The following WWOX variants were observed in gnomAD, a reference collection of about 807,000 sequenced individuals.
The protein encoded by WWOX is WW domain-containing oxidoreductase.
In WWOX, 69 loss-of-function variants were observed where a neutral mutation model predicts 46.2. The observed-to-expected ratio is 1.49, with a 90% CI of 1.23 to 1.82. The LOEUF is 1.82. Among genes scored for constraint, WWOX ranks in the 40% most tolerant of loss-of-function variants. The pLI is 0.00. For missense variants in WWOX, 919 were observed against 542.6 expected (o/e 1.69, Z -6.89); for synonymous variants, 359 against 202.6 (o/e 1.77, Z -6.56).
intron 8 of WWOX, among the ~76,000 whole-genome samples, chr16:78,926,814 T>TGA (rs1371597471): frequency 6.6e-6 from 1 of 152,140 alleles, no homozygotes; most frequent in Non-Finnish European, 1.5e-5. Flanking sequence ...TTTCGTTTTT[T>TGA]GAGAAGGGGT....
At chr16:78,798,327 AAAAT>A (rs1164264165) in intron 8 of WWOX, among the ~76,000 whole-genome samples, 1 of 152,184 alleles carries the variant, frequency 6.6e-6, no homozygotes, top group Admixed American at 6.5e-5. Flanking sequence ...AAAAAAGAAA[AAAAT>A]CTTGCCTTTC....
At chr16:78,473,289 C>T (rs1452149057) in intron 8 of WWOX, among the ~76,000 whole-genome samples, 1 of 152,140 alleles carries the variant, frequency 6.6e-6, no homozygotes, top group African/African-American at 2.4e-5. Context: ...GGCACCACGC[C>T]TGGGTAATTT....
chr16:79,056,171 C>T (rs373471211), intron 8 of WWOX, among the ~76,000 whole-genome samples: 9 of 151,316 alleles, frequency 5.9e-5, no homozygotes, highest in East Asian at 5.8e-4. Context: ...ACTAAAGTTT[C>T]CCTTCTTTGG....
At chr16:78,234,730 A>C (rs1239351686) in intron 5 of WWOX, among the ~76,000 whole-genome samples, 1 of 152,114 alleles carries the variant, frequency 6.6e-6, no homozygotes, top group Non-Finnish European at 1.5e-5. Flanking sequence ...CTTTTGGAAA[A>C]AGAACCACAA....
intron 8 of WWOX, among the ~76,000 whole-genome samples, chr16:78,471,312 G>A (rs1396791006): frequency 6.6e-6 from 1 of 152,184 alleles, no homozygotes; most frequent in African/African-American, 2.4e-5. Flanking sequence ...GAGGGATTCT[G>A]GGTAGCCCTC....
intron 8 of WWOX, among the ~76,000 whole-genome samples, chr16:79,079,129 T>C (rs2048713901): frequency 6.6e-6 from 1 of 152,224 alleles, no homozygotes; most frequent in South Asian, 2.1e-4. Context: ...CTGTACCTAG[T>C]TGCAATGCTC....
At chr16:78,222,488 A>T (rs1301148119) in intron 5 of WWOX, among the ~76,000 whole-genome samples, 4 of 152,206 alleles carry the variant, frequency 2.6e-5, no homozygotes, top group Non-Finnish European at 5.9e-5. Flanking sequence ...GCAACAGTCA[A>T]CTTTTTCCTG....
At chr16:78,543,507 C>T (rs1357023037) in intron 8 of WWOX, among the ~76,000 whole-genome samples, 1 of 152,202 alleles carries the variant, frequency 6.6e-6, no homozygotes, top group Non-Finnish European at 1.5e-5. Context: ...TCCACCCATG[C>T]ACCTTACACA....
chr16:79,000,784 C>T lies in WWOX; in HGVS notation c.1057-210824C>T, dbSNP rs148196728. 1.2e-3 allele frequency among the ~76,000 whole-genome samples: 182 copies of T among 152,276 alleles called. No individual in the cohort carries two copies. In the Middle Eastern group the frequency reaches 0.014, roughly 11 times the overall value. On this transcript the variant is annotated intron_variant, in intron 8 of 8. Coordinates refer to ENST00000566780, the MANE Select transcript of WWOX (RefSeq NM_016373.4). ...GGAAGCTAAGGCACCCTATAATATA[C>T]CCTCTAAAAGCCCCTTTCTTGGGAA...
intron 8 of WWOX, among the ~76,000 whole-genome samples, chr16:78,713,167 G>A (rs758103415): frequency 6.6e-6 from 1 of 151,078 alleles, no homozygotes; most frequent in African/African-American, 2.4e-5. Flanking sequence ...AGCTGCTTGG[G>A]AGGTTGAGGC....
intron 8 of WWOX, among the ~76,000 whole-genome samples, chr16:78,588,660 T>C (rs764326244): frequency 3.3e-5 from 5 of 152,228 alleles, no homozygotes; most frequent in Non-Finnish European, 7.3e-5. Flanking sequence ...TGTTGAGTGT[T>C]CTTTCCTGCT....
At chr16:78,225,696 TAA>T (rs1168353297) in intron 5 of WWOX, among the ~76,000 whole-genome samples, 1 of 152,224 alleles carries the variant, frequency 6.6e-6, no homozygotes, top group Non-Finnish European at 1.5e-5. Context: ...GTTATTGCAA[TAA>T]GTTATTCCTT....
chr16:78,902,694 T>C (rs557838834), intron 8 of WWOX, among the ~76,000 whole-genome samples: 24 of 152,370 alleles, frequency 1.6e-4, no homozygotes, highest in Middle Eastern at 3.4e-3. Context: ...AGCAGCTCAG[T>C]ATTTCCTGCT....
At chr16:78,850,466 C>T (rs1381181529) in intron 8 of WWOX, among the ~76,000 whole-genome samples, 2 of 152,200 alleles carry the variant, frequency 1.3e-5, no homozygotes. Flanking sequence ...CCTTATAGCT[C>T]ATGAACTCTT....
At chr16:78,762,069 C>G (rs768881883) in intron 8 of WWOX, among the ~76,000 whole-genome samples, 29 of 152,282 alleles carry the variant, frequency 1.9e-4, no homozygotes, top group African/African-American at 6.3e-4. Flanking sequence ...CTGTGCTGGC[C>G]TTTTCACTGA....
At chr16:79,094,649 T>C (rs1230595347) in intron 8 of WWOX, among the ~76,000 whole-genome samples, 2 of 152,182 alleles carry the variant, frequency 1.3e-5, no homozygotes, top group East Asian at 3.8e-4. Context: ...TCTTTTTTTT[T>C]TAAGTTAGCA....
At chr16:79,118,506 C>T (rs1176122869) in intron 8 of WWOX, among the ~76,000 whole-genome samples, 1 of 151,928 alleles carries the variant, frequency 6.6e-6, no homozygotes, top group Admixed American at 6.6e-5. Context: ...AAAATGGTGC[C>T]GATAGTCTTC....
At chr16:78,552,209 T>C (rs1295390547) in intron 8 of WWOX, 5 of 152,114 alleles carry the variant, frequency 3.3e-5, no homozygotes. Context: ...CCATTTCCCC[T>C]CAAAAGATGA....
chr16:78,519,257 G>T (rs1364899107), intron 8 of WWOX, among the ~76,000 whole-genome samples: 1 of 152,078 alleles, frequency 6.6e-6, no homozygotes, highest in African/African-American at 2.4e-5. Context: ...GACTTGCGGA[G>T]TGCCTAGAAC....
Sources: gnomAD v4.1 joint callset for allele counts (sites outside exome capture counted in the v4.1 genomes callset) on GRCh38, gnomAD v4.1.1 for gene constraint, MANE v1.5 for transcripts, NCBI Gene and HGNC (gene_info 2026-07-23, HGNC 2026-07-21) for gene names.